Variants in LTBP1 observed in about 807,000 individuals in gnomAD.
LTBP1 encodes latent transforming growth factor beta binding protein 1, also known as latent-transforming growth factor beta-binding protein 1.
In LTBP1, 129 loss-of-function variants were observed where a neutral mutation model predicts 207.6. The observed-to-expected ratio is 0.62, with a 90% CI of 0.54 to 0.72. LTBP1 has a LOEUF of 0.72. Among genes scored for constraint, LTBP1 ranks in the 30% least tolerant of loss-of-function variants. The pLI is 0.00. For synonymous variants in LTBP1, 963 were observed against 833.7 expected (o/e 1.16, Z -2.67); for missense variants, 2,281 against 2,217.2 (o/e 1.03, Z -0.58).
At chr2:33,195,966 G>C (rs1341826572) in intron 7 of LTBP1, among the ~76,000 whole-genome samples, 1 of 152,054 alleles carries the variant, frequency 6.6e-6, no homozygotes, top group Non-Finnish European at 1.5e-5. Context: ...CTCACAGAAG[G>C]CTCCGATGAT....
intron 7 of LTBP1, among the ~76,000 whole-genome samples, chr2:33,201,484 G>C (rs191940848): frequency 1.3e-5 from 2 of 151,142 alleles, no homozygotes; most frequent in African/African-American, 2.4e-5. Context: ...GTTGTGGGGT[G>C]GGGGGAGGCG....
chr2:33,284,953 C>T (rs899036876), intron 19 of LTBP1, among the ~76,000 whole-genome samples: 2 of 152,098 alleles, frequency 1.3e-5, no homozygotes, highest in African/African-American at 2.4e-5. Flanking sequence ...CAACTATTAC[C>T]CTCCTCTATA....
chr2:33,116,942 C>A (rs956795622), intron 4 of LTBP1, among the ~76,000 whole-genome samples: 2 of 152,332 alleles, frequency 1.3e-5, no homozygotes, highest in East Asian at 1.9e-4. Flanking sequence ...GTAATTCCCA[C>A]CTGCAGTGGC....
rs1231068334 is a variant in LTBP1 at position 33,092,036 on chromosome 2, T to C, written c.864-18546T>C. On this transcript the variant is annotated intron_variant, in intron 3 of 33. Coordinates refer to ENST00000404816, the MANE Select transcript of LTBP1 (RefSeq NM_206943.4). The stretch of plus-strand genomic sequence containing the variant: ...GCCTTTTTACATCTTGAGTTTTTCA[T>C]CTACAAATTGTGAGGGAAATTACCT... Among the ~76,000 whole-genome samples the C allele has an allele frequency of 2.0e-5, 3 of 152,216 alleles. No homozygotes were observed. The East Asian group carries it at 5.8e-4, about 29-fold the overall frequency.
intron 31 of LTBP1, among the ~76,000 whole-genome samples, chr2:33,386,747 C>A (rs1010362543): frequency 1.3e-5 from 2 of 152,066 alleles, no homozygotes; most frequent in Non-Finnish European, 2.9e-5. Flanking sequence ...ATCGCTTGAG[C>A]CCAGGAGTTT....
chr2:33,211,414 C>G (rs1365673044), intron 7 of LTBP1, among the ~76,000 whole-genome samples: 1 of 152,204 alleles, frequency 6.6e-6, no homozygotes, highest in African/African-American at 2.4e-5. Flanking sequence ...CTTTTCTAAT[C>G]CCCACACAGG....
At chr2:33,192,859 CAA>C (rs1394022607) in intron 7 of LTBP1, among the ~76,000 whole-genome samples, 1 of 152,148 alleles carries the variant, frequency 6.6e-6, no homozygotes, top group Non-Finnish European at 1.5e-5. Context: ...CAGGAGAACA[CAA>C]GAGAGCAAGG....
rs370141982 is a variant in LTBP1, at chr2:33,269,155, A to G, written c.2618-4501A>G. On this transcript the variant is annotated intron_variant, in intron 15 of 33. Transcript: ENST00000404816. ...CATTCAGGGAATCACATGATGAAGA[A>G]AAAAGCTAAAAGTCAGTATAGTCAT... 2.1e-4 allele frequency among the ~76,000 whole-genome samples: 32 copies of G among 152,308 alleles called. No individual in the cohort carries two copies. The East Asian group carries it at 6.0e-3, about 28-fold the overall frequency.
intron 2 of LTBP1, among the ~76,000 whole-genome samples, chr2:32,958,273 A>G (rs561306644): frequency 6.6e-6 from 1 of 152,202 alleles, no homozygotes; most frequent in Non-Finnish European, 1.5e-5. Context: ...ATTAGGTAAT[A>G]CATTAAAAAC....
chr2:33,306,095 T>C (rs540498879), intron 22 of LTBP1, among the ~76,000 whole-genome samples: 3 of 152,338 alleles, frequency 2.0e-5, no homozygotes, highest in African/African-American at 7.2e-5. Context: ...AACCTTCTTA[T>C]TGCTTTGAAG....
intron 5 of LTBP1, among the ~76,000 whole-genome samples, chr2:33,167,646 C>T (rs2085047921): frequency 6.6e-6 from 1 of 152,132 alleles, no homozygotes; most frequent in African/African-American, 2.4e-5. Flanking sequence ...CATGCTTCAG[C>T]AGAGGTGTGG....
At chr2:33,097,429 A>G (rs1393706472) in intron 3 of LTBP1, among the ~76,000 whole-genome samples, 1 of 152,214 alleles carries the variant, frequency 6.6e-6, no homozygotes, top group Non-Finnish European at 1.5e-5. Flanking sequence ...AGACCCCTGC[A>G]GTGACAATCA....
chr2:33,029,120 A>C (rs963070245), intron 3 of LTBP1, among the ~76,000 whole-genome samples: 24 of 152,204 alleles, frequency 1.6e-4, no homozygotes, highest in Non-Finnish European at 3.2e-4. Context: ...CTCTCACCAA[A>C]ACACAGAAGA....
At chr2:33,241,635 A>G (rs760885134) in intron 9 of LTBP1, among the ~76,000 whole-genome samples, 1 of 152,246 alleles carries the variant, frequency 6.6e-6, no homozygotes, top group African/African-American at 2.4e-5. Flanking sequence ...ACAGGAATAC[A>G]GGCCATTCAG....
At position 33,262,753 on chromosome 2, in the gene LTBP1, A is replaced by T. The variant is rs538648068; in HGVS notation, c.2450A>T (p.Lys817Ile). ...CCTTCATTGGATCAAGAGAAAACCA[A>T]ACTTGAGCCTGGTCAACCCCAGCTG... ...EIPSLDQEKT[K>I]LEPGQPQLSP... The change falls in exon 14 of 34, where the codon AAA becomes ATA. Residue 817 changes from lysine to isoleucine, a missense_variant. By Grantham distance (102) the Lys-to-Ile change is moderately radical. This residue lies in a region of LTBP1 where 1,671 missense variants were observed against 1,634.8 expected (regional missense o/e 1.02). Transcript: ENST00000404816. 1.5e-4 allele frequency: 235 copies of T among 1,604,952 alleles called. 3 individuals carry two copies. The South Asian group carries it at 2.5e-3, about 17-fold the overall frequency.
chr2:33,039,499 C>G (rs1460694640), intron 3 of LTBP1, among the ~76,000 whole-genome samples: 1 of 152,182 alleles, frequency 6.6e-6, no homozygotes, highest in East Asian at 1.9e-4. Context: ...TTAGACTCAT[C>G]CCTTGCAGTG....
chr2:33,002,660 G>GT (rs1255099712), intron 2 of LTBP1, among the ~76,000 whole-genome samples: 3 of 151,770 alleles, frequency 2.0e-5, no homozygotes, highest in Non-Finnish European at 4.4e-5. Flanking sequence ...GAGCACTTTG[G>GT]TTTTTTTGTT....
At chr2:32,998,345 G>A (rs892794210) in intron 2 of LTBP1, among the ~76,000 whole-genome samples, 14 of 151,356 alleles carry the variant, frequency 9.2e-5, no homozygotes, top group African/African-American at 3.4e-4. Flanking sequence ...GTGAAACCCT[G>A]TCTCTACTAA....
At chr2:33,001,265 G>T (rs1477156383) in intron 2 of LTBP1, among the ~76,000 whole-genome samples, 1 of 135,598 alleles carries the variant, frequency 7.4e-6, no homozygotes, top group Non-Finnish European at 1.6e-5. Context: ...AAGACAGTGA[G>T]TCTCAAATAT....
Sources: gnomAD v4.1 joint callset for allele counts (sites outside exome capture counted in the v4.1 genomes callset) on GRCh38, gnomAD v4.1.1 for gene constraint, gnomAD v4.1.1 regional missense constraint, MANE v1.5 for transcripts, NCBI Gene and HGNC (gene_info 2026-07-23, HGNC 2026-07-21) for gene names.